Variants in SLC12A7 observed in about 807,000 individuals in gnomAD.
SLC12A7 encodes the protein solute carrier family 12 member 7.
SLC12A7 carries 100 observed loss-of-function variants against 120.6 expected under a neutral mutation model. The observed-to-expected ratio is 0.83, with a 90% confidence interval of 0.71 to 0.98. The LOEUF is 0.98. SLC12A7 is among the 50% of genes least tolerant of loss of function. The pLI is 0.00. For synonymous variants in SLC12A7, 760 were observed against 678.0 expected, an observed-to-expected ratio of 1.12 and a Z score of -1.88; for missense variants, 1,373 against 1,548.1, an observed-to-expected ratio of 0.89 and a Z score of 1.90.
At chr5:1,081,053 G>C (rs1254528041) in intron 9 of SLC12A7, among the ~76,000 whole-genome samples, 2 of 90,964 alleles carry the variant, frequency 2.2e-5, no homozygotes, top group African/African-American at 4.2e-5. Flanking sequence ...GGGAAGAAGA[G>C]GGAGACAGAG....
In SLC12A7 at chr5:1,051,126, T is replaced by C. The variant is rs933252820; in HGVS notation, c.*1234A>G. 5.1e-6 allele frequency: 2 copies of C among 394,190 alleles called. No individual in the cohort carries two copies. The highest frequency in any genetic ancestry group is 2.1e-5 in the African/African-American group (1 of 48,572). The allele number at this position is 394,190 out of a possible 1,614,324, so 24.4% of individuals were successfully genotyped here. On this transcript the variant is annotated 3_prime_UTR_variant, in exon 24 of 24. Transcript: ENST00000264930. ...GCAGCCTGCAAATGTGACCACAACC[T>C]ACAAAGCAGAAACTCACAGCCAGCC... is the stretch of plus-strand genomic sequence containing the variant.
intron 16 of SLC12A7, 67 bp downstream of exon 16, chr5:1,074,500 T>C: frequency 6.8e-7 from 1 of 1,472,754 alleles, no homozygotes; most frequent in Non-Finnish European, 9.3e-7. Flanking sequence ...AGGTCCCCAC[T>C]CAAAGGCCGA....
intron 17 of SLC12A7, among the ~76,000 whole-genome samples, chr5:1,070,110 CACGGGCATCACACTTAT>C (rs1737545336): frequency 7.2e-5 from 2 of 27,964 alleles, no homozygotes; most frequent in African/African-American, 3.4e-4. Flanking sequence ...GCCCCCAGCA[CACGGGCATCACACTTAT>C]GCAGCCCCCA....
chr5:1,060,861 A>G (rs1736109422), intron 20 of SLC12A7, among the ~76,000 whole-genome samples: 1 of 148,824 alleles, frequency 6.7e-6, no homozygotes, highest in African/African-American at 2.6e-5. Context: ...GAACACATGG[A>G]GAAGCCACAG....
chr5:1,064,309 T>C (rs1392546083), intron 18 of SLC12A7, 57 bp from the exon 19 acceptor site: 4 of 1,552,528 alleles, frequency 2.6e-6, no homozygotes, highest in Non-Finnish European at 3.5e-6. Context: ...GGAAGGGGCC[T>C]CCCCGGGGAC....
chr5:1,065,435 C>T lies in SLC12A7; in HGVS notation c.2285G>A (p.Cys762Tyr). Reference protein sequence around the residue: ...LMSTEKTKGFCQLVVSSSLRD... With the variant: ...LMSTEKTKGFYQLVVSSSLRD... Reference sequence around the variant, plus strand: ...CAGGCTGGACGAGACCACCAGCTGGCAGAAGCCCTTGGTCTTCTCTGTGCT... The same window carrying T: ...CAGGCTGGACGAGACCACCAGCTGGTAGAAGCCCTTGGTCTTCTCTGTGCT... The change falls in exon 18 of 24, where the codon TGC (cysteine) becomes TAC (tyrosine). Residue 762 changes from cysteine to tyrosine, a missense_variant. Physicochemically the swap from Cys to Tyr is radical, Grantham distance 194. Transcript: ENST00000264930. The T allele has an allele frequency of 6.2e-7, 1 of 1,611,028 alleles. No individual in the cohort carries two copies. Among genetic ancestry groups the T allele is most frequent in the Non-Finnish European group, 8.5e-7 (1 of 1,178,834 alleles).
chr5:1,069,779 G>A (rs1037432437), intron 17 of SLC12A7, among the ~76,000 whole-genome samples: 10 of 152,166 alleles, frequency 6.6e-5, no homozygotes, highest in African/African-American at 2.2e-4. Flanking sequence ...TCATCATTCC[G>A]TTTCTGGATA....
chr5:1,149,162 T>C, the SLC12A7 span, among the ~76,000 whole-genome samples: 56 of 145,900 alleles, frequency 3.8e-4, 1 homozygote, highest in South Asian at 8.4e-3. Context: ...GTGGATCCTA[T>C]GATGCTACCG....
intron 1 of SLC12A7, among the ~76,000 whole-genome samples, chr5:1,096,699 GGGAA>G (rs1208409641): frequency 5.6e-5 from 5 of 88,760 alleles, no homozygotes; most frequent in Non-Finnish European, 1.1e-4. Context: ...GGGGAAGGGA[GGGAA>G]GGAAGGAGGG....
chr5:1,078,767 C>T lies in SLC12A7; in HGVS notation c.1397-9G>A, dbSNP rs748838145. The stretch of plus-strand genomic sequence containing the variant: ...CACAATGCAGGAGAGATCCACAGCC[C>T]TCGTCAAGGAAAGGCAGGTCCGTGG... On this transcript the variant is annotated splice_polypyrimidine_tract_variant and intron_variant, in intron 10 of 23. Coordinates refer to ENST00000264930, the MANE Select transcript of SLC12A7 (RefSeq NM_006598.3). 2.7e-5 allele frequency: 43 copies of T among 1,602,122 alleles called. No individual in the cohort carries two copies. The highest frequency in any genetic ancestry group is 3.2e-5 in the Non-Finnish European group (38 of 1,175,284).
the SLC12A7 span, among the ~76,000 whole-genome samples, chr5:1,135,673 C>T: frequency 1.3e-5 from 2 of 152,184 alleles, no homozygotes; most frequent in African/African-American, 2.4e-5. Flanking sequence ...GCTTCAGGTG[C>T]GTGCATGAGT....
intron 5 of SLC12A7, among the ~76,000 whole-genome samples, chr5:1,087,429 A>C (rs570822026): frequency 7.4e-4 from 113 of 152,392 alleles, no homozygotes; most frequent in African/African-American, 2.5e-3. Context: ...CGTCTCGTGT[A>C]CTGTGAACCA....
At chr5:1,131,684 C>A in the SLC12A7 span, among the ~76,000 whole-genome samples, 1 of 152,206 alleles carries the variant, frequency 6.6e-6, no homozygotes, top group South Asian at 2.1e-4. Flanking sequence ...GGACTGAGAC[C>A]CTGAGTCAGG....
intron 17 of SLC12A7, among the ~76,000 whole-genome samples, chr5:1,068,292 G>A (rs753124750): frequency 1.3e-5 from 2 of 152,126 alleles, no homozygotes; most frequent in Non-Finnish European, 1.5e-5. Context: ...AAAATGAGCC[G>A]GGCGTGGTGG....
intron 7 of SLC12A7, 67 bp downstream of exon 7, chr5:1,085,165 G>A (rs535403441): frequency 2.9e-5 from 45 of 1,574,276 alleles, no homozygotes; most frequent in South Asian, 8.2e-5. Flanking sequence ...GACGAGAGGC[G>A]GGCAGAGCCC....
chr5:1,055,366 G>A (rs1026756702), intron 22 of SLC12A7, among the ~76,000 whole-genome samples: 1 of 152,222 alleles, frequency 6.6e-6, no homozygotes, highest in African/African-American at 2.4e-5. Flanking sequence ...TGCGCTGACA[G>A]GTACATGCGA....
the SLC12A7 span, among the ~76,000 whole-genome samples, chr5:1,130,800 G>A: frequency 2.4e-4 from 37 of 152,346 alleles, 1 homozygote; most frequent in African/African-American, 8.7e-4. Context: ...TGGCAGAAGC[G>A]GAAAGAGGAG....
rs531316983 is a variant in SLC12A7 at position 1,106,956 on chromosome 5, C to T, written c.124+4912G>A. Among the ~76,000 whole-genome samples the T allele has an allele frequency of 8.7e-4, 132 of 152,320 alleles. 1 individual carries two copies. The South Asian group carries it at 0.024, about 28-fold the overall frequency. ...AACCAGGAGTTGCTGCTCTGCTCGC[C>T]GGAGGCAAACGCACACCTCACTGCT... On this transcript the variant is annotated intron_variant, in intron 1 of 23. Transcript: ENST00000264930.
At position 1,051,101 on chromosome 5, in the gene SLC12A7, G is replaced by A. The variant is rs1265417754; in HGVS notation, c.*1259C>T. The stretch of plus-strand genomic sequence containing the variant: ...GAGGCCCAAGTCGGTGCCACTGCCC[G>A]CAGCCTGCAAATGTGACCACAACCT... On this transcript the variant is annotated 3_prime_UTR_variant, in exon 24 of 24. Transcript: ENST00000264930. 1.5e-5 allele frequency: 6 copies of A among 395,492 alleles called. No homozygotes were observed. The Admixed American group carries it at 1.8e-4, about 12-fold the overall frequency. 24.5% of individuals were successfully genotyped at this position (395,492 alleles called of 1,614,324 possible).
Sources: allele counts gnomAD v4.1 joint callset (sites outside exome capture counted in the v4.1 genomes callset), GRCh38; gene constraint gnomAD v4.1.1; transcripts MANE v1.5; gene names NCBI Gene and HGNC (gene_info 2026-07-23, HGNC 2026-07-21).